The following NUP205 variants were observed in gnomAD, a reference collection of about 807,000 sequenced individuals.
NUP205 encodes nuclear pore complex protein Nup205.
A neutral mutation model predicts 253.8 loss-of-function variants in NUP205; 76 were observed. That is an observed-to-expected ratio of 0.30 (90% CI 0.25 to 0.36). The LOEUF (loss-of-function observed/expected upper bound fraction) is 0.36. NUP205 is among the 10% of genes least tolerant of loss of function. NUP205 has a pLI of 1.00. For missense variants in NUP205, 2,162 were observed against 2,425.5 expected, an observed-to-expected ratio of 0.89 and a Z score of 2.28; for synonymous variants, 832 against 850.1, an observed-to-expected ratio of 0.98 and a Z score of 0.37.
chr7:135,618,477 A>G lies in NUP205; in HGVS notation c.3837A>G (p.Lys1279=). 1.9e-6 allele frequency: 3 copies of G among 1,614,098 alleles called. No individual in the cohort carries two copies. Among genetic ancestry groups the G allele is most frequent in the Non-Finnish European group, 2.5e-6 (3 of 1,180,002 alleles). The change falls in exon 28 of 43, where the codon AAA becomes AAG. Residue 1279 remains lysine (K), a synonymous_variant. Transcript: ENST00000285968. ...RNKLLQCLHA[K]RHALESWRQL... ...AATTGCTGCAGTGTCTTCATGCAAA[A>G]CGTCATGCTCTGGAGTCGTGGAGGC...
At chr7:135,605,315 C>A (rs549855850) in intron 19 of NUP205, among the ~76,000 whole-genome samples, 1 of 152,300 alleles carries the variant, frequency 6.6e-6, no homozygotes, top group African/African-American at 2.4e-5. Context: ...CCGTGCCTGG[C>A]CTCGTTGAAG....
intron 42 of NUP205, among the ~76,000 whole-genome samples, chr7:135,646,692 GAC>G (rs878949366): frequency 6.6e-6 from 1 of 152,248 alleles, no homozygotes; most frequent in Admixed American, 6.5e-5. Flanking sequence ...GTTGCTTACA[GAC>G]ACCTGGTTTG....
chr7:135,633,684 C>T (rs1411728817), intron 35 of NUP205, among the ~76,000 whole-genome samples: 1 of 152,206 alleles, frequency 6.6e-6, no homozygotes, highest in Admixed American at 6.5e-5. Context: ...CTCAAGCAAT[C>T]CTCCCACTTC....
intron 22 of NUP205, among the ~76,000 whole-genome samples, chr7:135,609,621 C>G (rs919931525): frequency 2.6e-5 from 4 of 151,812 alleles, no homozygotes; most frequent in African/African-American, 9.7e-5. Flanking sequence ...GCACTCCAGC[C>G]TGGGCAACAG....
intron 1 of NUP205, among the ~76,000 whole-genome samples, chr7:135,567,249 G>A (rs1805808252): frequency 7.2e-6 from 1 of 139,026 alleles, no homozygotes; most frequent in East Asian, 2.1e-4. Flanking sequence ...CATCTCCACT[G>A]GTTTAGTCCG....
At chr7:135,565,105 A>G (rs1317593318) in intron 1 of NUP205, among the ~76,000 whole-genome samples, 1 of 152,098 alleles carries the variant, frequency 6.6e-6, no homozygotes. Context: ...GATGCCTACC[A>G]TTATTGGGGG....
In NUP205 at chr7:135,606,850, T is replaced by G; in HGVS notation, c.3005T>G (p.Leu1002Arg). 1 of 1,614,034 alleles carries G rather than the reference T, an allele frequency of 6.2e-7. No homozygotes were observed. The highest frequency in any genetic ancestry group is 1.3e-5 in the African/African-American group (1 of 75,058). The change falls in exon 21 of 43, where the codon CTT becomes CGT. Residue 1002 changes from leucine (L) to arginine (R), a missense_variant. By Grantham distance (102) the Leu-to-Arg change is moderately radical. Coordinates refer to ENST00000285968, the MANE Select transcript of NUP205 (RefSeq NM_015135.3). ...TCTCTGGAATGCAATCCACCCAATC[T>G]TGCTCTCTACCTGTTGGGCTTTGAA... ...ITSLECNPPN[L>R]ALYLLGFELK...
intron 35 of NUP205, among the ~76,000 whole-genome samples, chr7:135,632,755 G>C (rs1374652542): frequency 6.6e-6 from 1 of 152,042 alleles, no homozygotes; most frequent in East Asian, 1.9e-4. Flanking sequence ...AGGTCCTGTA[G>C]TGTTGTGGGG....
At chr7:135,607,756 T>C (rs1350300995) in intron 22 of NUP205, among the ~76,000 whole-genome samples, 1 of 152,154 alleles carries the variant, frequency 6.6e-6, no homozygotes, top group African/African-American at 2.4e-5. Flanking sequence ...TCTGAGTTTT[T>C]CAAACTGTGA....
In NUP205 at chr7:135,625,167, C is replaced by T; in HGVS notation, c.4483C>T (p.Leu1495=). The T allele has an allele frequency of 6.2e-7, 1 of 1,609,712 alleles. No homozygotes were observed. Among genetic ancestry groups the T allele is most frequent in the Middle Eastern group, 1.7e-4 (1 of 6,052 alleles). The change falls in exon 32 of 43, where the codon CTG becomes TTG. Residue 1495 remains leucine, a synonymous_variant. Coordinates refer to ENST00000285968, the MANE Select transcript of NUP205 (RefSeq NM_015135.3). ...CTTTAATTTATTCTTCCTTCAGATG[C>T]TGGCCCTGGCTCTACTTGATAGAAT... ...ACDGHEIGRM[L]ALALLDRIVS...
intron 7 of NUP205, among the ~76,000 whole-genome samples, chr7:135,581,934 G>A (rs1354904563): frequency 6.6e-6 from 1 of 151,966 alleles, no homozygotes; most frequent in African/African-American, 2.4e-5. Flanking sequence ...CTGTTTTTAG[G>A]CATTGAAACT....
At position 135,602,872 on chromosome 7, in the gene NUP205, A is replaced by G. The variant is rs1198623671; in HGVS notation, c.2580A>G (p.Glu860=). ...TTCTCAATCTTACTCTGCAAAAGGA[A>G]AATCTTTTTATGGACCTTCTAAGAG... The part of the protein sequence containing the change: ...LALLNLTLQK[E]NLFMDLLRES... Residue 860 remains glutamate, a synonymous_variant, in exon 18 of 43, where the codon GAA becomes GAG. Transcript: ENST00000285968. 1.2e-6 allele frequency: 2 copies of G among 1,614,006 alleles called. No individual in the cohort carries two copies. The highest frequency in any genetic ancestry group is 3.3e-5 in the Admixed American group (2 of 60,026).
rs1794109124 is a variant in NUP205, at chr7:135,607,360, C to G, written c.3184C>G (p.Leu1062Val). The change falls in exon 22 of 43, where the codon CTA becomes GTA. Residue 1062 changes from leucine (L) to valine (V), a missense_variant. Coordinates refer to ENST00000285968, the MANE Select transcript of NUP205 (RefSeq NM_015135.3). ...GCGAGAATCTCCTCAGCTGGCTGAG[C>G]TATGTTACCAGGTACACAGAAAACT... is the stretch of plus-strand genomic sequence containing the variant. ...AVRESPQLAE[L>V]CYQVIYQLCA... The G allele has an allele frequency of 6.2e-7, 1 of 1,613,508 alleles. No individual in the cohort carries two copies. Among genetic ancestry groups the G allele is most frequent in the Non-Finnish European group, 8.5e-7 (1 of 1,179,794 alleles).
chr7:135,625,050 C>A, intron 31 of NUP205, 114 bp from the exon 32 acceptor site: 1 of 891,762 alleles, frequency 1.1e-6, no homozygotes, highest in Non-Finnish European at 1.7e-6. Context: ...AAGTAACATT[C>A]TCTTTATGAA....
At chr7:135,630,197 T>G (rs1377626981) in intron 34 of NUP205, 147 bp from the exon 35 acceptor site, 1 of 384,166 alleles carries the variant, frequency 2.6e-6, no homozygotes, top group African/African-American at 2.1e-5. Flanking sequence ...CCTCACTTAT[T>G]GTGAGGCTGA....
rs1216165021 is a variant in NUP205 at position 135,602,702 on chromosome 7, G to C, written c.2513-103G>C. ...TTGGAAACAAGAGTCTGAATCTCTAGATCTGAAAATCTAAAACTTGTCATT... is the reference window on the plus strand; with the variant it reads ...TTGGAAACAAGAGTCTGAATCTCTACATCTGAAAATCTAAAACTTGTCATT... On this transcript the variant is annotated intron_variant, in intron 17 of 42. Transcript: ENST00000285968. The C allele has an allele frequency of 3.3e-6, 3 of 903,316 alleles. No individual in the cohort carries two copies. In the East Asian group the frequency reaches 7.8e-5, roughly 24 times the overall value. The allele number at this position is 903,316 out of a possible 1,614,324, so 56.0% of individuals were successfully genotyped here.
chr7:135,635,641 A>C lies in NUP205; in HGVS notation c.5120A>C (p.His1707Pro). 6.3e-7 allele frequency: 1 copy of C among 1,580,244 alleles called. No individual in the cohort carries two copies. Among genetic ancestry groups the C allele is most frequent in the Non-Finnish European group, 8.7e-7 (1 of 1,153,132 alleles). The change falls in exon 36 of 43, where the codon CAT becomes CCT. Residue 1707 changes from histidine to proline, a missense_variant. Transcript: ENST00000285968. ...GGGTCTCTAATGGAGCTACAGGGAC[A>C]TATTGGAAGATTCCAGGTAACTGAT... ...NEGSLMELQGHIGRFQRQCLG... is the reference protein window; with the variant it reads ...NEGSLMELQGPIGRFQRQCLG...
At chr7:135,561,598 C>G (rs73158976) in intron 1 of NUP205, among the ~76,000 whole-genome samples, 3 of 152,278 alleles carry the variant, frequency 2.0e-5, no homozygotes, top group Non-Finnish European at 4.4e-5. Context: ...GACTTCTAGT[C>G]ACAGAGAAAA....
chr7:135,632,856 A>AT (rs1584688302), intron 35 of NUP205, among the ~76,000 whole-genome samples: 1 of 151,812 alleles, frequency 6.6e-6, no homozygotes, highest in East Asian at 1.9e-4. Context: ...TCTCCATGAG[A>AT]TTTTTTCTCA....
Sources: allele counts gnomAD v4.1 joint callset (sites outside exome capture counted in the v4.1 genomes callset), GRCh38; gene constraint gnomAD v4.1.1; transcripts MANE v1.5; gene names NCBI Gene and HGNC (gene_info 2026-07-23, HGNC 2026-07-21).